SUGCT: variants seen among roughly 807,000 people sequenced by gnomAD.
The protein encoded by SUGCT is succinyl-CoA:glutarate-CoA transferase.
SUGCT carries 41 observed loss-of-function variants against 55.0 expected under a neutral mutation model. The observed-to-expected ratio is 0.74, with a 90% confidence interval of 0.58 to 0.97. SUGCT has a LOEUF of 0.97. SUGCT is among the 50% of genes least tolerant of loss of function. The probability of loss-of-function intolerance (pLI) is 0.00; values close to 1 mark genes in which losing one functional copy is unlikely to be tolerated. For missense variants in SUGCT, 568 were observed against 547.8 expected (o/e 1.04, Z -0.37); for synonymous variants, 187 against 200.4 (o/e 0.93, Z 0.56).
chr7:40,211,768 C>T (rs781213831), intron 6 of SUGCT, among the ~76,000 whole-genome samples: 1 of 152,068 alleles, frequency 6.6e-6, no homozygotes, highest in Non-Finnish European at 1.5e-5. Flanking sequence ...TTCTCATGCC[C>T]CACCTCTCAC....
At chr7:40,212,003 G>T (rs1787366291) in intron 6 of SUGCT, among the ~76,000 whole-genome samples, 1 of 151,956 alleles carries the variant, frequency 6.6e-6, no homozygotes, top group African/African-American at 2.4e-5. Context: ...TACATCCTTG[G>T]TGTTATCCCC....
In SUGCT at chr7:40,612,439, C is replaced by T. The variant is rs1009912283; in HGVS notation, c.1089+116053C>T. Among the ~76,000 whole-genome samples, 20 of 152,304 alleles carry T rather than the reference C, an allele frequency of 1.3e-4. No homozygotes were observed. The Middle Eastern group carries it at 0.01, about 78-fold the overall frequency. On this transcript the variant is annotated intron_variant, in intron 12 of 13. Transcript: ENST00000335693. ...GTACACTTGCCCTCTAGAGCCCACA[C>T]CCAGCCACCACACAAACAAGAAATA... is the stretch of plus-strand genomic sequence containing the variant.
At position 40,194,971 on chromosome 7, in the gene SUGCT, A is replaced by G. The variant is rs1268608786; in HGVS notation, c.395A>G (p.Asn132Ser). 6.2e-7 allele frequency: 1 copy of G among 1,613,734 alleles called. No homozygotes were observed. Among genetic ancestry groups the G allele is most frequent in the South Asian group, 1.1e-5 (1 of 91,026 alleles). Residue 132 changes from asparagine (N) to serine (S), a missense_variant, in exon 6 of 14, where the codon AAC becomes AGC. Asn to Ser is a conservative substitution (Grantham distance 46). Coordinates refer to ENST00000335693, the MANE Select transcript of SUGCT (RefSeq NM_001193313.2). The part of the protein sequence containing the change: ...LAAVCDVFVE[N>S]YVPGKLSAMG... ...GCTGTTTGTGATGTGTTTGTGGAAA[A>G]CTATGTCCCTGGCAAACTGTCTGCA...
At chr7:40,922,974 A>T in the SUGCT span, among the ~76,000 whole-genome samples, 1 of 152,254 alleles carries the variant, frequency 6.6e-6, no homozygotes, top group East Asian at 1.9e-4. Context: ...GCTACTGGAC[A>T]GACCCTTTGG....
At chr7:40,614,582 GT>G (rs918159126) in intron 12 of SUGCT, among the ~76,000 whole-genome samples, 207 of 151,378 alleles carry the variant, frequency 1.4e-3, no homozygotes, top group African/African-American at 4.8e-3. Context: ...TAGTTGTGCT[GT>G]TTTTTTTTAA....
intron 9 of SUGCT, among the ~76,000 whole-genome samples, chr7:40,393,207 A>G (rs533163046): frequency 2.0e-5 from 3 of 152,308 alleles, no homozygotes; most frequent in Admixed American, 6.5e-5. Flanking sequence ...TTCATTGAAG[A>G]ATGGGAAACC....
intron 1 of SUGCT, among the ~76,000 whole-genome samples, chr7:40,143,840 A>G (rs1392671671): frequency 1.3e-5 from 2 of 152,192 alleles, no homozygotes; most frequent in African/African-American, 2.4e-5. Flanking sequence ...CTCAGCCCCC[A>G]TACCATAAAA....
chr7:40,622,415 A>C (rs894651327), intron 12 of SUGCT, among the ~76,000 whole-genome samples: 2 of 152,132 alleles, frequency 1.3e-5, no homozygotes, highest in African/African-American at 2.4e-5. Flanking sequence ...GGTAATGCCC[A>C]AAACAGTTAC....
intron 12 of SUGCT, among the ~76,000 whole-genome samples, chr7:40,595,562 C>T (rs937112201): frequency 2.6e-5 from 4 of 152,012 alleles, no homozygotes; most frequent in Admixed American, 6.6e-5. Context: ...GAAGCTTTCA[C>T]TAACTCCCTT....
At chr7:40,317,583 A>G (rs1401502833) in intron 9 of SUGCT, among the ~76,000 whole-genome samples, 9 of 152,196 alleles carry the variant, frequency 5.9e-5, no homozygotes, top group Non-Finnish European at 1.0e-4. Context: ...CTCACAATCA[A>G]TGGAAGCACA....
intron 12 of SUGCT, among the ~76,000 whole-genome samples, chr7:40,562,656 A>G (rs921448523): frequency 1.3e-5 from 2 of 152,120 alleles, no homozygotes; most frequent in African/African-American, 4.8e-5. Flanking sequence ...AGCCTGGGAG[A>G]TGATGGTAAG....
intron 11 of SUGCT, among the ~76,000 whole-genome samples, chr7:40,460,619 C>T (rs1312513492): frequency 6.6e-6 from 1 of 152,118 alleles, no homozygotes; most frequent in African/African-American, 2.4e-5. Context: ...GAACAGATCC[C>T]AAGAAAAATA....
the SUGCT span, among the ~76,000 whole-genome samples, chr7:40,916,812 C>T: frequency 2.0e-5 from 3 of 152,154 alleles, no homozygotes; most frequent in Admixed American, 2.0e-4. Context: ...TTTATACACA[C>T]AGATATTATA....
chr7:40,329,570 C>T (rs528635348), intron 9 of SUGCT, among the ~76,000 whole-genome samples: 32 of 152,254 alleles, frequency 2.1e-4, no homozygotes, highest in Middle Eastern at 3.4e-3. Flanking sequence ...AAAGCAGGTG[C>T]GAAATGCTCT....
the SUGCT span, among the ~76,000 whole-genome samples, chr7:41,037,696 G>A: frequency 6.6e-6 from 1 of 150,726 alleles, no homozygotes; most frequent in African/African-American, 2.4e-5. Flanking sequence ...CCAACATGCA[G>A]ACCGTGGAAA....
intron 9 of SUGCT, among the ~76,000 whole-genome samples, chr7:40,406,557 T>C (rs1417432702): frequency 1.3e-5 from 2 of 152,200 alleles, no homozygotes; most frequent in African/African-American, 4.8e-5. Context: ...AGGTCAGATT[T>C]CTTTCACTTT....
intron 13 of SUGCT, among the ~76,000 whole-genome samples, chr7:40,836,225 G>A (rs560518480): frequency 6.6e-6 from 1 of 152,230 alleles, no homozygotes; most frequent in South Asian, 2.1e-4. Flanking sequence ...GAAATGGGAT[G>A]TTAGATACAA....
the SUGCT span, among the ~76,000 whole-genome samples, chr7:41,014,396 A>G: frequency 1.1e-4 from 16 of 152,128 alleles, 1 homozygote; most frequent in Non-Finnish European, 8.8e-5. Context: ...AAAGTTAGAT[A>G]TTTTTATTAA....
chr7:40,588,666 A>G (rs1308340665), intron 12 of SUGCT, among the ~76,000 whole-genome samples: 1 of 152,218 alleles, frequency 6.6e-6, no homozygotes, highest in African/African-American at 2.4e-5. Flanking sequence ...TCTAGGTTCA[A>G]GGTTTAATAC....
Sources: gnomAD v4.1 joint callset for allele counts (sites outside exome capture counted in the v4.1 genomes callset) on GRCh38, gnomAD v4.1.1 for gene constraint, MANE v1.5 for transcripts, NCBI Gene and HGNC (gene_info 2026-07-23, HGNC 2026-07-21) for gene names.